The following LINGO2 variants were observed in gnomAD, a reference collection of about 807,000 sequenced individuals.
LINGO2 encodes leucine rich repeat and Ig domain containing 2, also known as leucine-rich repeat and immunoglobulin-like domain-containing nogo receptor-interacting protein 2.
A neutral mutation model predicts 30.6 loss-of-function variants in LINGO2; 14 were observed. That is an observed-to-expected ratio of 0.46 (90% confidence interval 0.30 to 0.72). The LOEUF (loss-of-function observed/expected upper bound fraction) is 0.72. Among genes scored for constraint, LINGO2 ranks in the 30% least tolerant of loss-of-function variants. The pLI is 0.07. For synonymous variants in LINGO2, 317 were observed against 288.5 expected, an observed-to-expected ratio of 1.10 and a Z score of -1.00; for missense variants, 729 against 751.7, an observed-to-expected ratio of 0.97 and a Z score of 0.35.
chr9:28,198,374 C>G (rs1275716647), intron 4 of LINGO2, among the ~76,000 whole-genome samples: 3 of 152,062 alleles, frequency 2.0e-5, no homozygotes, highest in Admixed American at 6.5e-5. Flanking sequence ...CAGATACTCT[C>G]TGGATAAATA....
chr9:28,544,464 C>A (rs1246311097), intron 1 of LINGO2, among the ~76,000 whole-genome samples: 1 of 152,030 alleles, frequency 6.6e-6, no homozygotes, highest in Non-Finnish European at 1.5e-5. Flanking sequence ...GTACACCGAA[C>A]CCTCTCTGTT....
chr9:28,990,430 A>G, the LINGO2 span, among the ~76,000 whole-genome samples: 3 of 152,144 alleles, frequency 2.0e-5, no homozygotes, highest in East Asian at 1.9e-4. Flanking sequence ...GGGGCAGGGC[A>G]CAGACAAACA....
At chr9:28,330,203 A>G (rs1825371178) in intron 3 of LINGO2, among the ~76,000 whole-genome samples, 1 of 152,198 alleles carries the variant, frequency 6.6e-6, no homozygotes, top group African/African-American at 2.4e-5. Flanking sequence ...AGTCAAGATA[A>G]GAGACCTCAG....
At chr9:28,065,507 T>A (rs1825287072) in intron 4 of LINGO2, among the ~76,000 whole-genome samples, 1 of 152,146 alleles carries the variant, frequency 6.6e-6, no homozygotes, top group East Asian at 1.9e-4. Flanking sequence ...TAGTTGGATG[T>A]TTAGTACCTT....
At chr9:27,944,513 T>G (rs565397984), downstream of LINGO2, 118 of 152,150 alleles carry the variant, frequency 7.8e-4, no homozygotes, top group African/African-American at 2.7e-3. Flanking sequence ...CTAACGAAAA[T>G]AGAAAATTCA....
intron 1 of LINGO2, among the ~76,000 whole-genome samples, chr9:28,574,998 A>T (rs2135612501): frequency 6.6e-6 from 1 of 152,364 alleles, no homozygotes; most frequent in East Asian, 1.9e-4. Flanking sequence ...TGTGATACAA[A>T]TACATGATGG....
chr9:29,177,221 C>G, the LINGO2 span, among the ~76,000 whole-genome samples: 1 of 152,154 alleles, frequency 6.6e-6, no homozygotes, highest in Non-Finnish European at 1.5e-5. Context: ...GTAATCACAG[C>G]TATGACTAAT....
exon 6 of LINGO2, chr9:27,949,929 C>T (rs762116936): frequency 3.7e-6 from 6 of 1,613,884 alleles, no homozygotes; most frequent in Non-Finnish European, 5.1e-6. Context: ...GAGGTTGAGA[C>T]CGTAGAGGCT....
chr9:28,765,066 C>T, the LINGO2 span, among the ~76,000 whole-genome samples: 1 of 151,950 alleles, frequency 6.6e-6, no homozygotes, highest in Non-Finnish European at 1.5e-5. Flanking sequence ...AATGTTCATA[C>T]TACCTAAAGT....
intron 1 of LINGO2, among the ~76,000 whole-genome samples, chr9:28,578,286 G>T (rs956981737): frequency 6.6e-6 from 1 of 152,074 alleles, no homozygotes; most frequent in African/African-American, 2.4e-5. Context: ...GAGGTGGGGA[G>T]GTGGGTAATG....
At position 28,560,081 on chromosome 9, in the gene LINGO2, G is replaced by GAA. The variant is rs57723247; in HGVS notation, c.-364-84058_-364-84057dup. Among the ~76,000 whole-genome samples the GAA allele has an allele frequency of 4.1e-4, 51 of 123,486 alleles. No homozygotes were observed. In the East Asian group the frequency reaches 5.6e-3, roughly 14 times the overall value. 81.0% of individuals were successfully genotyped at this position (123,486 alleles called of 152,430 possible). On this transcript the variant is annotated intron_variant, in intron 1 of 5. Transcript: ENST00000379992. ...AAGTTAAGCAGCTTATATTTAGGAG[G>GAA]AAAAAAAAAAAAAAAAGAAAAATGA...
At chr9:28,975,663 T>G in the LINGO2 span, among the ~76,000 whole-genome samples, 1 of 152,170 alleles carries the variant, frequency 6.6e-6, no homozygotes, top group African/African-American at 2.4e-5. Context: ...CTATTACTCC[T>G]TGGCTCTAAT....
chr9:29,082,971 T>G, the LINGO2 span, among the ~76,000 whole-genome samples: 1 of 151,934 alleles, frequency 6.6e-6, no homozygotes, highest in Non-Finnish European at 1.5e-5. Context: ...AGGAACACTT[T>G]TACACTGTTG....
chr9:28,106,528 A>C (rs1197506420), intron 4 of LINGO2, among the ~76,000 whole-genome samples: 1 of 152,188 alleles, frequency 6.6e-6, no homozygotes, highest in Non-Finnish European at 1.5e-5. Flanking sequence ...TGAGAAATTT[A>C]CTATTGAGGC....
Position 28,391,305 on chromosome 9 carries a change from G to A in LINGO2, c.-278-18437C>T, listed in dbSNP as rs534052529. On this transcript the variant is annotated intron_variant, in intron 2 of 5. Transcript: ENST00000379992. ...ACATAGGCCCAGTTTTAACTTATTA[G>A]AAATTAGAGCTTATATCTAAGGAAG... 4.6e-5 allele frequency among the ~76,000 whole-genome samples: 7 copies of A among 152,194 alleles called. No homozygotes were observed. In the South Asian group the frequency reaches 1.5e-3, roughly 32 times the overall value.
chr9:28,003,918 A>G (rs1255493948), intron 5 of LINGO2, among the ~76,000 whole-genome samples: 2 of 152,160 alleles, frequency 1.3e-5, no homozygotes, highest in Admixed American at 6.6e-5. Context: ...TTTGAACACC[A>G]CTATGTACCA....
intron 3 of LINGO2, among the ~76,000 whole-genome samples, chr9:28,367,961 C>T (rs897063797): frequency 6.6e-6 from 1 of 151,884 alleles, no homozygotes; most frequent in African/African-American, 2.4e-5. Flanking sequence ...GGGTAACTTC[C>T]AATATGCTTC....
chr9:28,247,038 A>C (rs140128381), intron 4 of LINGO2, among the ~76,000 whole-genome samples: 1,878 of 152,354 alleles, frequency 0.012, 13 homozygotes, highest in Middle Eastern at 0.031. Flanking sequence ...ATGCAAATCA[A>C]AACCACAATG....
intron 4 of LINGO2, among the ~76,000 whole-genome samples, chr9:28,216,875 G>T (rs891661516): frequency 6.6e-6 from 1 of 151,688 alleles, no homozygotes; most frequent in African/African-American, 2.4e-5. Flanking sequence ...AAAGAAAAAA[G>T]ATATCGGGTG....
Sources: gnomAD v4.1 joint callset for allele counts (sites outside exome capture counted in the v4.1 genomes callset) on GRCh38, gnomAD v4.1.1 for gene constraint, MANE v1.5 for transcripts, NCBI Gene and HGNC (gene_info 2026-07-23, HGNC 2026-07-21) for gene names.